The following THSD7A variants were observed in gnomAD, a reference collection of about 807,000 sequenced individuals.
THSD7A encodes thrombospondin type 1 domain containing 7A, also known as thrombospondin type-1 domain-containing protein 7A.
A neutral mutation model predicts 231.3 loss-of-function variants in THSD7A; 96 were observed. The ratio of observed to expected loss-of-function variants is 0.41; its 90% CI spans 0.35 to 0.49. The LOEUF (loss-of-function observed/expected upper bound fraction) is 0.49, where lower values mean the gene tolerates loss of function less well. THSD7A is among the 20% of genes least tolerant of loss of function. The pLI, the probability that THSD7A is intolerant of heterozygous loss-of-function variation, is 0.05. For synonymous variants in THSD7A, 940 were observed against 743.3 expected (o/e 1.26, Z -4.30); for missense variants, 2,290 against 2,070.2 (o/e 1.11, Z -2.06).
At chr7:11,422,084 C>A (rs1052540316) in intron 16 of THSD7A, among the ~76,000 whole-genome samples, 1 of 152,206 alleles carries the variant, frequency 6.6e-6, no homozygotes, top group African/African-American at 2.4e-5. Context: ...AAGTTGTAGA[C>A]AAAGGGTTGA....
chr7:11,460,892 T>C (rs1785482493), intron 10 of THSD7A, 127 bp from the exon 11 acceptor site: 2 of 664,556 alleles, frequency 3.0e-6, no homozygotes, highest in South Asian at 2.0e-5. Context: ...CTCAGTTCTA[T>C]CTAAATTTAA....
intron 2 of THSD7A, among the ~76,000 whole-genome samples, chr7:11,635,555 T>G (rs1394838260): frequency 6.6e-6 from 1 of 152,224 alleles, no homozygotes; most frequent in East Asian, 1.9e-4. Context: ...TGAATGAGGC[T>G]ACTCATGATT....
At chr7:11,698,797 A>C (rs1780479978) in intron 1 of THSD7A, among the ~76,000 whole-genome samples, 1 of 151,424 alleles carries the variant, frequency 6.6e-6, no homozygotes, top group African/African-American at 2.4e-5. Flanking sequence ...ATGTGAAAGG[A>C]GAGCGATGTT....
intron 4 of THSD7A, among the ~76,000 whole-genome samples, chr7:11,562,931 G>C (rs1352930368): frequency 6.6e-6 from 1 of 152,142 alleles, no homozygotes; most frequent in East Asian, 1.9e-4. Context: ...TTTTACCAAA[G>C]CAGTTTTAAT....
At chr7:11,502,317 T>A (rs1293206477) in intron 6 of THSD7A, among the ~76,000 whole-genome samples, 1 of 152,082 alleles carries the variant, frequency 6.6e-6, no homozygotes, top group Non-Finnish European at 1.5e-5. Flanking sequence ...CACCCAAACA[T>A]GGCAGAGACA....
At chr7:11,694,210 T>G (rs903744847) in intron 1 of THSD7A, among the ~76,000 whole-genome samples, 3 of 151,534 alleles carry the variant, frequency 2.0e-5, no homozygotes, top group Non-Finnish European at 4.4e-5. Context: ...TTTGGACTTT[T>G]TTACAATGTT....
Position 11,410,204 on chromosome 7 carries a change from T to G in THSD7A, c.3798+1003A>C, listed in dbSNP as rs61335494. ...AGGAGGCATTTATTAACTAAACAAA[T>G]TTGTGTTTTCAACACATGTGGGTGC... On this transcript the variant is annotated intron_variant, in intron 19 of 27. Coordinates refer to ENST00000423059, the MANE Select transcript of THSD7A (RefSeq NM_015204.3). 2.6e-5 allele frequency among the ~76,000 whole-genome samples: 4 copies of G among 152,204 alleles called. No homozygotes were observed. The South Asian group carries it at 8.3e-4, about 31-fold the overall frequency.
chr7:11,793,926 C>T (rs534824767), intron 1 of THSD7A, among the ~76,000 whole-genome samples: 143 of 151,470 alleles, frequency 9.4e-4, no homozygotes, highest in Non-Finnish European at 1.5e-3. Flanking sequence ...TATTTTCAAT[C>T]GGGTAATCAA....
rs188677860 is a variant in THSD7A, at chr7:11,772,754, A to G, written c.190+59003T>C. 2.6e-5 allele frequency among the ~76,000 whole-genome samples: 4 copies of G among 152,256 alleles called. No individual in the cohort carries two copies. The East Asian group carries it at 7.7e-4, about 29-fold the overall frequency. On this transcript the variant is annotated intron_variant, in intron 1 of 27. Transcript: ENST00000423059. The stretch of plus-strand genomic sequence containing the variant: ...AGGAGGGTGAGTCAAAAAATTACCT[A>G]TAGTGTACTCTGCTCACTACCAGGG...
At chr7:11,551,931 A>G (rs1789645047) in intron 4 of THSD7A, among the ~76,000 whole-genome samples, 1 of 152,098 alleles carries the variant, frequency 6.6e-6, no homozygotes, top group African/African-American at 2.4e-5. Context: ...CAGCAAAAAC[A>G]TGGAATCAAC....
chr7:11,711,608 A>G (rs1338467112), intron 1 of THSD7A, among the ~76,000 whole-genome samples: 1 of 151,088 alleles, frequency 6.6e-6, no homozygotes, highest in East Asian at 2.0e-4. Flanking sequence ...ATGAAGGTGA[A>G]CCTATAACAC....
At chr7:11,633,036 T>C (rs1052740263) in intron 2 of THSD7A, among the ~76,000 whole-genome samples, 11 of 152,214 alleles carry the variant, frequency 7.2e-5, no homozygotes, top group African/African-American at 2.4e-4. Context: ...CAAATATTTT[T>C]CCATTTTTTA....
chr7:11,763,267 C>T (rs1782924089), intron 1 of THSD7A, among the ~76,000 whole-genome samples: 1 of 152,286 alleles, frequency 6.6e-6, no homozygotes, highest in East Asian at 1.9e-4. Flanking sequence ...ACCTGGGATG[C>T]CTTCTGTCAT....
chr7:11,679,008 G>C (rs1322487725), intron 1 of THSD7A, among the ~76,000 whole-genome samples: 1 of 152,148 alleles, frequency 6.6e-6, no homozygotes, highest in Non-Finnish European at 1.5e-5. Flanking sequence ...CCACTTTCAA[G>C]TCAGCTTCAT....
intron 1 of THSD7A, among the ~76,000 whole-genome samples, chr7:11,691,846 G>A (rs1780242112): frequency 1.3e-5 from 2 of 151,264 alleles, no homozygotes; most frequent in African/African-American, 4.8e-5. Flanking sequence ...CCTATCATAG[G>A]AGATATGATA....
At position 11,417,612 on chromosome 7, in the gene THSD7A, G is replaced by A. The variant is rs1019460833; in HGVS notation, c.3384-9C>T. On this transcript the variant is annotated splice_polypyrimidine_tract_variant and intron_variant, in intron 16 of 27. Transcript: ENST00000423059. The stretch of plus-strand genomic sequence containing the variant: ...CTGTATTCTGCATGCATCTAGAAAA[G>A]AACATAAACATATTCTAGAAAATAT... 5 of 1,592,260 alleles carry A rather than the reference G, an allele frequency of 3.1e-6. No individual in the cohort carries two copies. In the Admixed American group the frequency reaches 7.6e-5, roughly 24 times the overall value.
chr7:11,614,998 T>C (rs1435173372), intron 2 of THSD7A, among the ~76,000 whole-genome samples: 1 of 152,228 alleles, frequency 6.6e-6, no homozygotes, highest in African/African-American at 2.4e-5. Flanking sequence ...AAACATCGAA[T>C]ATCCAAAGGA....
intron 1 of THSD7A, among the ~76,000 whole-genome samples, chr7:11,818,174 G>A (rs965896088): frequency 6.6e-6 from 1 of 152,186 alleles, no homozygotes; most frequent in African/African-American, 2.4e-5. Context: ...TACTCAGAAT[G>A]TCCTGTTATT....
intron 4 of THSD7A, among the ~76,000 whole-genome samples, chr7:11,560,319 C>T (rs1290181206): frequency 6.6e-6 from 1 of 152,118 alleles, no homozygotes; most frequent in Non-Finnish European, 1.5e-5. Flanking sequence ...AGGCCTGATG[C>T]TTTTAGGGGC....
Sources: gnomAD v4.1 joint callset for allele counts (sites outside exome capture counted in the v4.1 genomes callset) on GRCh38, gnomAD v4.1.1 for gene constraint, MANE v1.5 for transcripts, NCBI Gene and HGNC (gene_info 2026-07-23, HGNC 2026-07-21) for gene names.